LRBA: variants seen among roughly 807,000 people sequenced by gnomAD.
The protein encoded by LRBA is lipopolysaccharide-responsive and beige-like anchor protein.
LRBA carries 176 observed loss-of-function variants against 330.0 expected under a neutral mutation model. The ratio of observed to expected loss-of-function variants is 0.53; its 90% confidence interval spans 0.47 to 0.60. LRBA has a LOEUF of 0.60. LRBA is among the 20% of genes least tolerant of loss of function. LRBA has a pLI of 0.00. For missense variants in LRBA, 3,259 were observed against 3,444.8 expected (o/e 0.95, Z 1.35); for synonymous variants, 1,230 against 1,193.0 (o/e 1.03, Z -0.64).
chr4:150,327,991 A>T (rs1733509765), intron 48 of LRBA, among the ~76,000 whole-genome samples: 1 of 152,320 alleles, frequency 6.6e-6, no homozygotes, highest in South Asian at 2.1e-4. Flanking sequence ...AGTCCAAAAC[A>T]TGAGGAATTA....
intron 40 of LRBA, among the ~76,000 whole-genome samples, chr4:150,550,947 C>A (rs1766506134): frequency 6.6e-6 from 1 of 152,094 alleles, no homozygotes; most frequent in Non-Finnish European, 1.5e-5. Flanking sequence ...TTGACCATAT[C>A]CCCCAAAGTT....
rs574978074 is a variant in LRBA at position 150,579,233 on chromosome 4, G to C, written c.6330+8815C>G. The C allele has an allele frequency of 1.5e-5, 7 of 456,678 alleles. No individual in the cohort carries two copies. In the East Asian group the frequency reaches 4.9e-4, roughly 32 times the overall value. The allele number at this position is 456,678 out of a possible 1,614,324, so 28.3% of individuals were successfully genotyped here. A position where few individuals can be genotyped will look rare whatever the true frequency, so the allele number is the denominator to read the frequency against. On this transcript the variant is annotated intron_variant, in intron 40 of 56. Transcript: ENST00000651943. ...CTATACTAACATACATAAAAGCAGA[G>C]GTGACAGGGGCTCTTCAATTACAGC...
intron 37 of LRBA, among the ~76,000 whole-genome samples, chr4:150,675,748 T>A (rs976844483): frequency 7.9e-5 from 12 of 151,722 alleles, no homozygotes; most frequent in Admixed American, 1.3e-4. Flanking sequence ...AAATAATTAA[T>A]TAAATAAAAA....
intron 40 of LRBA, among the ~76,000 whole-genome samples, chr4:150,504,082 T>C (rs1352737756): frequency 6.6e-6 from 1 of 152,158 alleles, no homozygotes; most frequent in African/African-American, 2.4e-5. Flanking sequence ...CCAAGAAATA[T>C]GGGACTATGT....
At chr4:150,508,061 CA>C (rs559455684) in intron 40 of LRBA, among the ~76,000 whole-genome samples, 104 of 119,410 alleles carry the variant, frequency 8.7e-4, no homozygotes, top group African/African-American at 3.3e-3. Context: ...GGGAACATCA[CA>C]AACCGGGGAC....
intron 22 of LRBA, among the ~76,000 whole-genome samples, chr4:150,856,243 A>G (rs989031926): frequency 5.3e-5 from 8 of 152,148 alleles, no homozygotes; most frequent in Non-Finnish European, 1.0e-4. Flanking sequence ...TACTCCTAAT[A>G]AGAATACAGG....
intron 37 of LRBA, among the ~76,000 whole-genome samples, chr4:150,633,438 C>G (rs545064704): frequency 6.6e-6 from 1 of 152,336 alleles, no homozygotes; most frequent in South Asian, 2.1e-4. Flanking sequence ...TGACACACTA[C>G]TGAATAGTTG....
chr4:150,734,645 C>G (rs979072865), intron 36 of LRBA, among the ~76,000 whole-genome samples: 7 of 152,144 alleles, frequency 4.6e-5, no homozygotes, highest in African/African-American at 1.4e-4. Flanking sequence ...TCTATAGCTA[C>G]AAAACCATTA....
At chr4:150,621,573 C>T (rs544116745) in intron 37 of LRBA, among the ~76,000 whole-genome samples, 1 of 152,132 alleles carries the variant, frequency 6.6e-6, no homozygotes, top group African/African-American at 2.4e-5. Context: ...GTCTCCTTTT[C>T]AATAAAATAA....
At chr4:150,364,435 T>C (rs1047105770) in intron 47 of LRBA, among the ~76,000 whole-genome samples, 1 of 152,262 alleles carries the variant, frequency 6.6e-6, no homozygotes, top group African/African-American at 2.4e-5. Flanking sequence ...AGCTAGTAAA[T>C]GTCAGAGTTG....
chr4:150,737,523 AAAAAG>A (rs70941433), intron 35 of LRBA, among the ~76,000 whole-genome samples: 15 of 149,864 alleles, frequency 1.0e-4, no homozygotes, highest in Middle Eastern at 3.4e-3. Flanking sequence ...AAAGAAAAGA[AAAAAG>A]AAAAGAAAAG....
intron 35 of LRBA, among the ~76,000 whole-genome samples, chr4:150,748,987 G>C (rs1008166243): frequency 6.6e-6 from 1 of 152,010 alleles, no homozygotes; most frequent in African/African-American, 2.4e-5. Context: ...CTTAATCTTG[G>C]ACTTCTAAGC....
intron 2 of LRBA, among the ~76,000 whole-genome samples, chr4:150,973,355 C>T (rs1399761749): frequency 7.2e-5 from 11 of 152,108 alleles, no homozygotes; most frequent in East Asian, 3.9e-4. Context: ...TTAGTAGAGA[C>T]GGGGTTTCTC....
intron 2 of LRBA, among the ~76,000 whole-genome samples, chr4:150,967,999 C>T (rs918529074): frequency 8.9e-5 from 13 of 145,918 alleles, no homozygotes; most frequent in African/African-American, 3.1e-4. Context: ...AAGATTTGCA[C>T]ATCTTTTTTT....
chr4:150,326,320 G>GA (rs1257186142), intron 48 of LRBA, among the ~76,000 whole-genome samples: 1 of 151,974 alleles, frequency 6.6e-6, no homozygotes, highest in Non-Finnish European at 1.5e-5. Context: ...TAAAAAGGAG[G>GA]AAAAAAGAAA....
chr4:150,434,854 T>C (rs1750899656), intron 46 of LRBA, among the ~76,000 whole-genome samples: 2 of 151,704 alleles, frequency 1.3e-5, no homozygotes, highest in African/African-American at 4.8e-5. Context: ...CGAGACCTTG[T>C]TTCAAGAAAA....
chr4:150,592,055 C>A (rs1772912098), intron 38 of LRBA, among the ~76,000 whole-genome samples: 1 of 151,500 alleles, frequency 6.6e-6, no homozygotes, highest in Admixed American at 6.6e-5. Flanking sequence ...TTCACCTGAC[C>A]CTCCTGGCTT....
chr4:150,592,144 G>GTGT (rs1772933442), intron 38 of LRBA, among the ~76,000 whole-genome samples: 1 of 65,166 alleles, frequency 1.5e-5, no homozygotes, highest in Non-Finnish European at 2.5e-5. Context: ...GATGGCTAGG[G>GTGT]TTTTTTTTTT....
intron 30 of LRBA, among the ~76,000 whole-genome samples, chr4:150,827,662 C>T (rs932646831): frequency 2.7e-5 from 4 of 149,452 alleles, no homozygotes; most frequent in Non-Finnish European, 5.9e-5. Context: ...TGCAATGGTG[C>T]GATCTCAGCT....
Sources: gnomAD v4.1 joint callset for allele counts (sites outside exome capture counted in the v4.1 genomes callset) on GRCh38, gnomAD v4.1.1 for gene constraint, MANE v1.5 for transcripts, NCBI Gene and HGNC (gene_info 2026-07-23, HGNC 2026-07-21) for gene names.